The following TAFA5 variants were observed in gnomAD, a reference collection of about 807,000 sequenced individuals.
The protein encoded by TAFA5 is chemokine-like protein TAFA-5.
Under a neutral mutation model 15.3 loss-of-function variants are expected in TAFA5, and 6 were observed. That is an observed-to-expected ratio of 0.39 (90% CI 0.21 to 0.77). TAFA5 has a LOEUF of 0.77. Ranked by LOEUF, TAFA5 falls within the 30% of genes least tolerant of loss-of-function variation. TAFA5 has a pLI of 0.41. For synonymous variants in TAFA5, 103 were observed against 80.7 expected (o/e 1.28, Z -1.48); for missense variants, 161 against 193.1 (o/e 0.83, Z 0.98).
chr22:48,554,947 C>T (rs973454418), intron 1 of TAFA5, among the ~76,000 whole-genome samples: 4 of 152,176 alleles, frequency 2.6e-5, no homozygotes, highest in East Asian at 1.9e-4. Context: ...GCTGTGTCCT[C>T]GGGAGTCCCT....
chr22:48,724,437 G>A (rs904883336), intron 3 of TAFA5, among the ~76,000 whole-genome samples: 10 of 152,212 alleles, frequency 6.6e-5, no homozygotes, highest in African/African-American at 2.4e-4. Flanking sequence ...CTTCTCCAGC[G>A]TTTGGAGGAG....
chr22:48,582,495 A>C lies in TAFA5; in HGVS notation c.113-64102A>C, dbSNP rs538657778. On this transcript the variant is annotated intron_variant, in intron 1 of 3. Coordinates refer to ENST00000402357, the MANE Select transcript of TAFA5 (RefSeq NM_001082967.3). ...ACACACAAAATACACCACACACCAC[A>C]CACAAAATACACTACACACAAAATA... is the stretch of plus-strand genomic sequence containing the variant. Among the ~76,000 whole-genome samples the C allele has an allele frequency of 9.9e-5, 15 of 151,796 alleles. 1 individual carries two copies. The East Asian group carries it at 2.5e-3, about 25-fold the overall frequency.
chr22:48,507,972 A>C (rs1921061817), intron 1 of TAFA5, among the ~76,000 whole-genome samples: 1 of 152,120 alleles, frequency 6.6e-6, no homozygotes, highest in Non-Finnish European at 1.5e-5. Context: ...CAGTGGGGAG[A>C]ACCATCGCCC....
rs139573030 is a variant in TAFA5 at position 48,625,479 on chromosome 22, G to A, written c.113-21118G>A. Among the ~76,000 whole-genome samples the A allele has an allele frequency of 3.9e-3, 588 of 152,302 alleles. 4 individuals are homozygous for A. Among genetic ancestry groups the A allele is most frequent in the African/African-American group, 0.014 (568 of 41,556 alleles). On this transcript the variant is annotated intron_variant, in intron 1 of 3. Coordinates refer to ENST00000402357, the MANE Select transcript of TAFA5 (RefSeq NM_001082967.3). Reference sequence around the variant, plus strand: ...TCAAGTATCCGCGTATAGCACTATCGCAATCATGAGTCTGTCCTACGGGAA... The same window carrying A: ...TCAAGTATCCGCGTATAGCACTATCACAATCATGAGTCTGTCCTACGGGAA...
chr22:48,546,225 T>C (rs776197148), intron 1 of TAFA5, among the ~76,000 whole-genome samples: 10 of 152,218 alleles, frequency 6.6e-5, no homozygotes, highest in Non-Finnish European at 1.0e-4. Context: ...AGTCCACTCC[T>C]TGGTCAGCAC....
chr22:48,693,364 A>T (rs1210133841), intron 2 of TAFA5: 1 of 1,612,532 alleles, frequency 6.2e-7, no homozygotes, highest in South Asian at 1.1e-5. Context: ...GAAATGTACC[A>T]CCACCGGGAA....
intron 1 of TAFA5, among the ~76,000 whole-genome samples, chr22:48,623,808 G>A (rs1165834764): frequency 6.6e-6 from 1 of 152,204 alleles, no homozygotes; most frequent in Non-Finnish European, 1.5e-5. Flanking sequence ...CCATTTTCTT[G>A]GGGAAAATTT....
intron 1 of TAFA5, among the ~76,000 whole-genome samples, chr22:48,559,415 C>T (rs1283507399): frequency 6.6e-6 from 1 of 152,188 alleles, no homozygotes; most frequent in Non-Finnish European, 1.5e-5. Context: ...GCTAGAGCCC[C>T]TCCCTGAGAT....
At chr22:48,608,174 A>T (rs1304467588) in intron 1 of TAFA5, among the ~76,000 whole-genome samples, 1 of 120,416 alleles carries the variant, frequency 8.3e-6, no homozygotes, top group African/African-American at 3.3e-5. Flanking sequence ...AAGACCCACC[A>T]CCGACGCTGA....
At chr22:48,532,128 C>G (rs2147113377) in intron 1 of TAFA5, among the ~76,000 whole-genome samples, 1 of 152,372 alleles carries the variant, frequency 6.6e-6, no homozygotes, top group East Asian at 1.9e-4. Context: ...TTTCTGTTCT[C>G]TGATGAAGAG....
chr22:48,522,480 G>A (rs1287169435), intron 1 of TAFA5, among the ~76,000 whole-genome samples: 4 of 152,106 alleles, frequency 2.6e-5, no homozygotes, highest in Non-Finnish European at 5.9e-5. Context: ...GGGCTGGTGG[G>A]CTCCCTGGGG....
rs757592640 is a variant in TAFA5 at position 48,682,034 on chromosome 22, C to T, written c.263-25683C>T. On this transcript the variant is annotated intron_variant, in intron 2 of 3. Transcript: ENST00000402357. Reference sequence around the variant, plus strand: ...TCCCAGGGCCTGAGGCTGCGGCTCCCCAAGGCCGTCCTCAGCTTCCCATCG... The same window carrying T: ...TCCCAGGGCCTGAGGCTGCGGCTCCTCAAGGCCGTCCTCAGCTTCCCATCG... Among the ~76,000 whole-genome samples the T allele has an allele frequency of 3.5e-5, 2 of 56,862 alleles. 1 individual carries two copies. The highest frequency in any genetic ancestry group is 1.2e-4 in the Non-Finnish European group (2 of 16,814). The allele number at this position is 56,862 out of a possible 152,430, so 37.3% of individuals were successfully genotyped here. A position where few individuals can be genotyped will look rare whatever the true frequency, so the allele number is the denominator to read the frequency against.
At chr22:48,542,630 G>GGTGTGTTATGTGT (rs1922486635) in intron 1 of TAFA5, among the ~76,000 whole-genome samples, 1 of 16,866 alleles carries the variant, frequency 5.9e-5, no homozygotes, top group Non-Finnish European at 1.1e-4. Flanking sequence ...GGTGTGTGTG[G>GGTGTGTTATGTGT]GTGTGTGATG....
chr22:48,625,870 C>A (rs1166752806), intron 1 of TAFA5, among the ~76,000 whole-genome samples: 1 of 152,214 alleles, frequency 6.6e-6, no homozygotes, highest in African/African-American at 2.4e-5. Flanking sequence ...CCGCCAGAAA[C>A]CCCAGCAACC....
chr22:48,512,207 C>T (rs1385443874), intron 1 of TAFA5, among the ~76,000 whole-genome samples: 1 of 152,222 alleles, frequency 6.6e-6, no homozygotes, highest in African/African-American at 2.4e-5. Context: ...GGAGGAGATG[C>T]CCTGCTGACA....
intron 1 of TAFA5, among the ~76,000 whole-genome samples, chr22:48,548,398 T>C (rs946825962): frequency 1.3e-5 from 2 of 152,236 alleles, no homozygotes; most frequent in Non-Finnish European, 2.9e-5. Flanking sequence ...AGCTTGTGTT[T>C]CCAACCAGTA....
chr22:48,523,596 G>T (rs1178611406), intron 1 of TAFA5, among the ~76,000 whole-genome samples: 1 of 152,164 alleles, frequency 6.6e-6, no homozygotes, highest in African/African-American at 2.4e-5. Context: ...CTAGGCCTAG[G>T]CTCAGGCCTG....
At chr22:48,582,896 GTACACCACACACAAAA>G (rs1924132254) in intron 1 of TAFA5, among the ~76,000 whole-genome samples, 1 of 70,602 alleles carries the variant, frequency 1.4e-5, no homozygotes, top group African/African-American at 6.9e-5. Flanking sequence ...TGCACACAAA[GTACACCACACACAAAA>G]TACACCACAC....
chr22:48,610,331 G>A (rs1227281399), intron 1 of TAFA5, among the ~76,000 whole-genome samples: 1 of 152,258 alleles, frequency 6.6e-6, no homozygotes, highest in Non-Finnish European at 1.5e-5. Context: ...TATGGAGCTG[G>A]GTGTCCAGCC....
Sources: allele counts gnomAD v4.1 joint callset (sites outside exome capture counted in the v4.1 genomes callset), GRCh38; gene constraint gnomAD v4.1.1; transcripts MANE v1.5; gene names NCBI Gene and HGNC (gene_info 2026-07-23, HGNC 2026-07-21).